Variants in NTRK1 observed in about 807,000 individuals in gnomAD.
NTRK1 encodes neurotrophic receptor tyrosine kinase 1, also known as high affinity nerve growth factor receptor.
In NTRK1, 62 loss-of-function variants were observed where a neutral mutation model predicts 86.8. The observed-to-expected ratio is 0.71, with a 90% CI of 0.58 to 0.88. The LOEUF is 0.88. Among genes scored for constraint, NTRK1 ranks in the 40% least tolerant of loss-of-function variants. The probability of loss-of-function intolerance (pLI) is 0.00; values close to 1 mark genes in which losing one functional copy is unlikely to be tolerated. For synonymous variants in NTRK1, 469 were observed against 456.6 expected, an observed-to-expected ratio of 1.03 and a Z score of -0.35; for missense variants, 967 against 1,078.4, an observed-to-expected ratio of 0.90 and a Z score of 1.45.
intron 2 of NTRK1, among the ~76,000 whole-genome samples, chr1:156,853,539 G>A (rs576504055): frequency 6.6e-6 from 1 of 152,242 alleles, no homozygotes; most frequent in South Asian, 2.1e-4. Flanking sequence ...CCTATTCCAT[G>A]ATGCCGCCTT....
At chr1:156,840,899 G>A in intron 1 of NTRK1, 1 of 1,613,906 alleles carries the variant, frequency 6.2e-7, no homozygotes, top group South Asian at 1.1e-5. Context: ...CCATTTTGAG[G>A]GCTGCAGTCT....
At chr1:156,852,380 G>T (rs113373673) in intron 2 of NTRK1, among the ~76,000 whole-genome samples, 2 of 152,260 alleles carry the variant, frequency 1.3e-5, no homozygotes, top group Non-Finnish European at 2.9e-5. Flanking sequence ...GACTGTGGCC[G>T]TCTGTGGCTC....
intron 2 of NTRK1, chr1:156,848,940 TGAA>T (rs1230706131): frequency 6.3e-7 from 1 of 1,586,262 alleles, no homozygotes; most frequent in African/African-American, 1.3e-5. Flanking sequence ...TAGTACACGA[TGAA>T]GCTGAGCAGG....
At position 156,868,080 on chromosome 1, in the gene NTRK1, G is replaced by A. The variant is rs1243521367; in HGVS notation, c.429-24G>A. ...TCCCTCAGGCCCTTTCCTTGACTCTGTTGGTGTCCCCCATGCCCCCCAGGG... is the reference window on the plus strand; with the variant it reads ...TCCCTCAGGCCCTTTCCTTGACTCTATTGGTGTCCCCCATGCCCCCCAGGG... On this transcript the variant is annotated intron_variant, in intron 4 of 16. Coordinates refer to ENST00000524377, the MANE Select transcript of NTRK1 (RefSeq NM_002529.4). 4 of 1,613,382 alleles carry A rather than the reference G, an allele frequency of 2.5e-6. No homozygotes were observed. In the African/African-American group the frequency reaches 5.3e-5, roughly 22 times the overall value.
chr1:156,875,326 G>A (rs1187862025), intron 11 of NTRK1, among the ~76,000 whole-genome samples, 194 bp from the exon 12 acceptor site: 2 of 152,040 alleles, frequency 1.3e-5, no homozygotes, highest in Non-Finnish European at 2.9e-5. Flanking sequence ...TGCCCATGGG[G>A]CCAGGGGTGG....
chr1:156,841,410 C>T (rs144096948), intron 1 of NTRK1: 512 of 1,613,602 alleles, frequency 3.2e-4, no homozygotes, highest in Non-Finnish European at 4.2e-4. Context: ...AGGGGACAGC[C>T]CTCCAGCTCC....
At chr1:156,816,316 G>A (rs1294324749) in intron 1 of NTRK1, among the ~76,000 whole-genome samples, 1 of 152,196 alleles carries the variant, frequency 6.6e-6, no homozygotes, top group African/African-American at 2.4e-5. Context: ...GGGACACCAG[G>A]TGCCTAGAAG....
intron 2 of NTRK1, chr1:156,845,698 G>T: frequency 6.2e-7 from 1 of 1,613,434 alleles, no homozygotes; most frequent in African/African-American, 1.3e-5. Context: ...AGCGGGGGCA[G>T]AACCTGACCA....
intron 2 of NTRK1, among the ~76,000 whole-genome samples, chr1:156,855,664 A>T (rs1655383917): frequency 6.6e-6 from 1 of 152,050 alleles, no homozygotes; most frequent in African/African-American, 2.4e-5. Context: ...CTCTAAAAAA[A>T]ATATACAAAA....
Position 156,874,530 on chromosome 1 carries a change from T to A in NTRK1, c.1196-41T>A, listed in dbSNP as rs748114190. ...GTTGGGGGGTTACTGGAGGCTACAG[T>A]GTGTGTCAAGGCTCACCCCTCCTGC... On this transcript the variant is annotated intron_variant, in intron 9 of 16. Coordinates refer to ENST00000524377, the MANE Select transcript of NTRK1 (RefSeq NM_002529.4). 10 of 1,611,764 alleles carry A rather than the reference T, an allele frequency of 6.2e-6. No individual in the cohort carries two copies. The Admixed American group carries it at 1.7e-4, about 27-fold the overall frequency.
intron 1 of NTRK1, among the ~76,000 whole-genome samples, chr1:156,825,463 T>C (rs916397995): frequency 2.6e-5 from 4 of 152,206 alleles, no homozygotes; most frequent in Admixed American, 6.5e-5. Flanking sequence ...AAGAATAATA[T>C]GCACGGTGGA....
At chr1:156,820,757 G>C (rs796874515) in intron 1 of NTRK1, among the ~76,000 whole-genome samples, 1 of 152,132 alleles carries the variant, frequency 6.6e-6, no homozygotes, top group African/African-American at 2.4e-5. Flanking sequence ...GTATTGCTTT[G>C]GCTATATGGG....
At chr1:156,842,223 C>G in intron 2 of NTRK1, 1 of 1,614,066 alleles carries the variant, frequency 6.2e-7, no homozygotes, top group Non-Finnish European at 8.5e-7. Flanking sequence ...ATCTCACCAG[C>G]CATTTGGATC....
intron 6 of NTRK1, among the ~76,000 whole-genome samples, chr1:156,869,930 A>C (rs142634203): frequency 2.0e-5 from 3 of 152,214 alleles, no homozygotes; most frequent in Admixed American, 2.0e-4. Flanking sequence ...CATGGTGTTT[A>C]TTTGGGGAGC....
intron 2 of NTRK1, chr1:156,848,833 C>G (rs1655097783): frequency 6.8e-7 from 1 of 1,469,138 alleles, no homozygotes; most frequent in Non-Finnish European, 9.1e-7. Context: ...CATAGCCTCG[C>G]TGAGCTCCGC....
At position 156,849,409 on chromosome 1, in the gene NTRK1, G is replaced by C. The variant is rs140808257; in HGVS notation, c.50+7216G>C. On this transcript the variant is annotated intron_variant, in intron 2 of 16. Coordinates refer to the NTRK1 transcript ENST00000392302. Reference sequence around the variant, plus strand: ...GAATGGTGAGCCCCGCGGCCACCCAGGACCCTAGCTGTTGTAGGTTCTGGT... The same window carrying C: ...GAATGGTGAGCCCCGCGGCCACCCACGACCCTAGCTGTTGTAGGTTCTGGT... 9.1e-4 allele frequency: 1,461 copies of C among 1,613,896 alleles called. 16 individuals are homozygous for C. The African/African-American group carries it at 0.018, about 20-fold the overall frequency.
chr1:156,841,017 C>T, intron 1 of NTRK1: 1 of 1,608,676 alleles, frequency 6.2e-7, no homozygotes, highest in Admixed American at 1.7e-5. Context: ...AGGAGGGCCG[C>T]AGCTCCTCCT....
At chr1:156,864,216 A>G in intron 1 of NTRK1, 138 bp from the exon 2 acceptor site, 2 of 751,842 alleles carry the variant, frequency 2.7e-6, no homozygotes, top group Non-Finnish European at 4.6e-6. Flanking sequence ...CGCCTGTGTA[A>G]GTGTGTATGC....
chr1:156,865,471 G>T (rs756779902), intron 3 of NTRK1, among the ~76,000 whole-genome samples: 1 of 152,202 alleles, frequency 6.6e-6, no homozygotes, highest in East Asian at 1.9e-4. Context: ...GACAGGAGGC[G>T]GAGCTCAGGC....
Sources: allele counts gnomAD v4.1 joint callset (sites outside exome capture counted in the v4.1 genomes callset), GRCh38; gene constraint gnomAD v4.1.1; transcripts MANE v1.5; gene names NCBI Gene and HGNC (gene_info 2026-07-23, HGNC 2026-07-21).